The following SLC35B4 variants were observed in gnomAD, a reference collection of about 807,000 sequenced individuals.
SLC35B4 encodes solute carrier family 35 member B4, also known as nucleotide sugar transporter SLC35B4.
A neutral mutation model predicts 39.5 loss-of-function variants in SLC35B4; 28 were observed. The ratio of observed to expected loss-of-function variants is 0.71; its 90% CI spans 0.53 to 0.97. The LOEUF is 0.97. Among genes scored for constraint, SLC35B4 ranks in the 50% least tolerant of loss-of-function variants. The probability of loss-of-function intolerance (pLI) is 0.00; values close to 1 mark genes in which losing one functional copy is unlikely to be tolerated. For missense variants in SLC35B4, 334 were observed against 414.3 expected (o/e 0.81, Z 1.68); for synonymous variants, 145 against 150.4 (o/e 0.96, Z 0.26).
chr7:134,316,384 G>A (rs1018819532), intron 1 of SLC35B4, among the ~76,000 whole-genome samples: 1 of 152,216 alleles, frequency 6.6e-6, no homozygotes, highest in African/African-American at 2.4e-5. Flanking sequence ...AATACCCCCC[G>A]AGTGTGGAAA....
Position 134,316,425 on chromosome 7 carries a change from C to T in SLC35B4, c.77+250G>A, listed in dbSNP as rs972852608. On this transcript the variant is annotated intron_variant, in intron 1 of 9. Transcript: ENST00000378509. ...TGACGACAGCAACACCCTGAGTCTTCCCCTCGCAGGAATGCTTTGAAACTG... is the reference window on the plus strand; with the variant it reads ...TGACGACAGCAACACCCTGAGTCTTTCCCTCGCAGGAATGCTTTGAAACTG... 5.2e-5 allele frequency among the ~76,000 whole-genome samples: 8 copies of T among 152,382 alleles called. 1 individual carries two copies. In the East Asian group the frequency reaches 1.5e-3, roughly 29 times the overall value.
chr7:134,311,693 A>G (rs895612212), intron 1 of SLC35B4, among the ~76,000 whole-genome samples: 4 of 152,116 alleles, frequency 2.6e-5, no homozygotes, highest in Non-Finnish European at 4.4e-5. Flanking sequence ...CTATTTACCC[A>G]AAGAGGCTCA....
At chr7:134,316,286 G>A (rs1803973847) in intron 1 of SLC35B4, among the ~76,000 whole-genome samples, 1 of 150,008 alleles carries the variant, frequency 6.7e-6, no homozygotes, top group Admixed American at 6.6e-5. Context: ...TGGGAAGGAA[G>A]AGAGAGTGGT....
chr7:134,317,668 T>C (rs1804021305), upstream of SLC35B4, among the ~76,000 whole-genome samples: 2 of 152,234 alleles, frequency 1.3e-5, no homozygotes, highest in South Asian at 4.1e-4. Context: ...TCTTTAATGG[T>C]GAAAAGAAGG....
rs1455894755 is a variant in SLC35B4 at position 134,316,665 on chromosome 7, G to C, written c.77+10C>G. 6 of 1,549,596 alleles carry C rather than the reference G, an allele frequency of 3.9e-6. No individual in the cohort carries two copies. Among genetic ancestry groups the C allele is most frequent in the Admixed American group, 3.9e-5 (2 of 50,976 alleles). Reference sequence around the variant, plus strand: ...CGGGAGACCGGGTGCGGCCCGAGCGGGTCACTCACCGGGCCAGGAGCTCTA... The same window carrying C: ...CGGGAGACCGGGTGCGGCCCGAGCGCGTCACTCACCGGGCCAGGAGCTCTA... On this transcript the variant is annotated intron_variant, in intron 1 of 9. Transcript: ENST00000378509.
Position 134,293,326 on chromosome 7 carries a change from G to C in SLC35B4, c.*1507C>G, listed in dbSNP as rs1862047. On this transcript the variant is annotated 3_prime_UTR_variant, in exon 10 of 10. Coordinates refer to ENST00000378509, the MANE Select transcript of SLC35B4 (RefSeq NM_032826.5). ...CACACAGACTACACAAGAGCACACA[G>C]AAGCTACGCATATTACAGCAACAGC... 0.5 allele frequency: 76,392 copies of C among 151,988 alleles called. 19,720 individuals carry two copies. Among genetic ancestry groups the C allele is most frequent in the African/African-American group, 0.59 (24,639 of 41,434 alleles). 9.4% of individuals were successfully genotyped at this position (151,988 alleles called of 1,614,324 possible).
At chr7:134,302,209 C>A in intron 4 of SLC35B4, 99 bp from the exon 5 acceptor site, 2 of 962,250 alleles carry the variant, frequency 2.1e-6, no homozygotes, top group Admixed American at 2.4e-5. Flanking sequence ...AAGTACAAAT[C>A]ACTAAAGTAT....
chr7:134,312,197 GTT>G (rs751498448), intron 1 of SLC35B4, among the ~76,000 whole-genome samples: 1 of 152,096 alleles, frequency 6.6e-6, no homozygotes, highest in Non-Finnish European at 1.5e-5. Flanking sequence ...AGTTGACTAA[GTT>G]TTCTCATCTC....
At chr7:134,300,034 T>C in intron 7 of SLC35B4, 118 bp downstream of exon 7, 1 of 722,564 alleles carries the variant, frequency 1.4e-6, no homozygotes, top group Non-Finnish European at 2.2e-6. Flanking sequence ...TCTGTGGGTC[T>C]CAAAGCCATC....
chr7:134,299,725 T>A, intron 7 of SLC35B4, 127 bp from the exon 8 acceptor site: 1 of 748,110 alleles, frequency 1.3e-6, no homozygotes, highest in African/African-American at 1.8e-5. Flanking sequence ...AAGTTAGACT[T>A]AAGTTAAATG....
In SLC35B4 at chr7:134,300,279, G is replaced by A. The variant is rs748427340; in HGVS notation, c.488-18C>T. 41 of 1,537,406 alleles carry A rather than the reference G, an allele frequency of 2.7e-5. No homozygotes were observed. The South Asian group carries it at 4.6e-4, about 17-fold the overall frequency. ...CCCAATACCTAAAAAACAAACATCA[G>A]GTGACAAGATGTCTGCATTTGTTCA... On this transcript the variant is annotated intron_variant, in intron 6 of 9. Transcript: ENST00000378509.
In SLC35B4 at chr7:134,290,455, AG is replaced by A. The variant is rs1803309003; in HGVS notation, c.*4377del. The A allele has an allele frequency of 6.6e-6, 1 of 152,156 alleles. No homozygotes were observed. Among genetic ancestry groups the A allele is most frequent in the Admixed American group, 6.5e-5 (1 of 15,286 alleles). The allele number at this position is 152,156 out of a possible 1,614,324, so 9.4% of individuals were successfully genotyped here. A position where few individuals can be genotyped will look rare whatever the true frequency, so the allele number is the denominator to read the frequency against. On this transcript the variant is annotated 3_prime_UTR_variant, in exon 10 of 10. Coordinates refer to ENST00000378509, the MANE Select transcript of SLC35B4 (RefSeq NM_032826.5). ...CATAACATAAGCCAGACACTATGCC[AG>A]GGGCTGGCGATACAGAAATGAGTAA...
In SLC35B4 at chr7:134,291,094, T is replaced by A. The variant is rs2117264375; in HGVS notation, c.*3739A>T. 1 of 152,296 alleles carries A rather than the reference T, an allele frequency of 6.6e-6. No homozygotes were observed. Among genetic ancestry groups the A allele is most frequent in the African/African-American group, 2.4e-5 (1 of 41,550 alleles). The allele number at this position is 152,296 out of a possible 1,614,324, so 9.4% of individuals were successfully genotyped here. The stretch of plus-strand genomic sequence containing the variant: ...AATAGCAAAATAAGAGAGTATTGTT[T>A]CCCAAATAGAGAAGGGAATGGTGGT... On this transcript the variant is annotated 3_prime_UTR_variant, in exon 10 of 10. Coordinates refer to ENST00000378509, the MANE Select transcript of SLC35B4 (RefSeq NM_032826.5).
At chr7:134,295,496 G>A (rs1332333582) in intron 9 of SLC35B4, among the ~76,000 whole-genome samples, 2 of 151,964 alleles carry the variant, frequency 1.3e-5, no homozygotes, top group African/African-American at 2.4e-5. Flanking sequence ...ATCTCGATTC[G>A]TTTCACTATT....
chr7:134,305,898 A>G (rs1217841569), intron 3 of SLC35B4, among the ~76,000 whole-genome samples: 1 of 151,984 alleles, frequency 6.6e-6, no homozygotes. Context: ...CGAACTCCCA[A>G]CCTCAGGTGA....
intron 1 of SLC35B4, 76 bp downstream of exon 1, chr7:134,316,599 G>T: frequency 6.8e-7 from 1 of 1,471,746 alleles, no homozygotes; most frequent in Non-Finnish European, 9.2e-7. Flanking sequence ...GCGTGGGCGC[G>T]TCCCGGGGGG....
chr7:134,299,714 C>A, intron 7 of SLC35B4, 116 bp from the exon 8 acceptor site: 1 of 836,214 alleles, frequency 1.2e-6, no homozygotes, highest in South Asian at 1.7e-5. Flanking sequence ...CAAAGAAAAG[C>A]AAGTTAGACT....
At chr7:134,302,588 G>GGCT (rs1215871393) in intron 4 of SLC35B4, among the ~76,000 whole-genome samples, 1 of 152,102 alleles carries the variant, frequency 6.6e-6, no homozygotes, top group African/African-American at 2.4e-5. Context: ...CTCTGGGGGA[G>GGCT]GCTTGTTTTT....
intron 8 of SLC35B4, among the ~76,000 whole-genome samples, chr7:134,297,863 G>C (rs1323249595): frequency 6.6e-6 from 1 of 152,156 alleles, no homozygotes; most frequent in Admixed American, 6.5e-5. Context: ...GGGCAACAGG[G>C]AGGTCCTGTC....
Sources: gnomAD v4.1 joint callset for allele counts (sites outside exome capture counted in the v4.1 genomes callset) on GRCh38, gnomAD v4.1.1 for gene constraint, MANE v1.5 for transcripts, NCBI Gene and HGNC (gene_info 2026-07-23, HGNC 2026-07-21) for gene names.